PTPRC: variants seen among roughly 807,000 people sequenced by gnomAD.
PTPRC encodes receptor-type tyrosine-protein phosphatase C.
PTPRC carries 44 observed loss-of-function variants against 155.9 expected under a neutral mutation model. The ratio of observed to expected loss-of-function variants is 0.28; its 90% CI spans 0.22 to 0.36. The LOEUF is 0.36. Among genes scored for constraint, PTPRC ranks in the 10% least tolerant of loss-of-function variants. The probability of loss-of-function intolerance (pLI) is 1.00; values close to 1 mark genes in which losing one functional copy is unlikely to be tolerated. For synonymous variants in PTPRC, 525 were observed against 533.1 expected (o/e 0.98, Z 0.21); for missense variants, 1,401 against 1,564.6 (o/e 0.90, Z 1.76).
chr1:198,702,250 G>A (rs1666495227), intron 5 of PTPRC, 137 bp from the exon 6 acceptor site: 1 of 1,088,930 alleles, frequency 9.2e-7, no homozygotes, highest in South Asian at 1.3e-5. Context: ...TAGAATGCAT[G>A]TGTCGTGGTA....
intron 26 of PTPRC, among the ~76,000 whole-genome samples, chr1:198,747,797 C>A (rs770350273): frequency 1.1e-4 from 16 of 151,840 alleles, no homozygotes; most frequent in Non-Finnish European, 1.9e-4. Flanking sequence ...CAATATAGAT[C>A]AACATCGGTC....
At chr1:198,683,312 T>A (rs1221179562) in intron 2 of PTPRC, among the ~76,000 whole-genome samples, 1 of 152,158 alleles carries the variant, frequency 6.6e-6, no homozygotes, top group East Asian at 1.9e-4. Context: ...TATGCAAACA[T>A]CTTTTGATGA....
intron 2 of PTPRC, among the ~76,000 whole-genome samples, chr1:198,641,422 G>T (rs368576888): frequency 2.6e-5 from 4 of 152,074 alleles, no homozygotes; most frequent in African/African-American, 9.6e-5. Flanking sequence ...TATATTGTAT[G>T]CTGTAAAGGC....
intron 3 of PTPRC, chr1:198,692,807 T>C (rs1321431125): frequency 1.1e-6 from 1 of 911,530 alleles, no homozygotes; most frequent in African/African-American, 1.8e-5. Context: ...GTTGCTTTTT[T>C]CAATGGTATG....
At chr1:198,640,234 T>A (rs528935481) in intron 2 of PTPRC, among the ~76,000 whole-genome samples, 7 of 152,156 alleles carry the variant, frequency 4.6e-5, no homozygotes, top group Middle Eastern at 6.8e-3. Flanking sequence ...TAATTAATAT[T>A]TAATATTTCT....
intron 2 of PTPRC, among the ~76,000 whole-genome samples, chr1:198,658,818 C>G (rs1663756241): frequency 6.6e-6 from 1 of 151,566 alleles, no homozygotes; most frequent in Admixed American, 6.6e-5. Flanking sequence ...CTGGTTGCTC[C>G]TCATGATAAT....
chr1:198,689,910 T>C (rs904519962), intron 2 of PTPRC, among the ~76,000 whole-genome samples: 74 of 152,266 alleles, frequency 4.9e-4, no homozygotes, highest in East Asian at 9.6e-4. Flanking sequence ...ATGTGTTTTA[T>C]GGGTTATAAG....
At chr1:198,718,013 A>G in intron 13 of PTPRC, 81 bp from the exon 14 acceptor site, 2 of 1,158,648 alleles carry the variant, frequency 1.7e-6, no homozygotes, top group Non-Finnish European at 2.5e-6. Flanking sequence ...AAAATACTTT[A>G]TACTATATCC....
chr1:198,656,653 G>T (rs6692606), intron 2 of PTPRC, among the ~76,000 whole-genome samples: 10,640 of 140,918 alleles, frequency 0.076, 614 homozygotes, highest in African/African-American at 0.15. Context: ...TTTGTTTTTT[G>T]TTTTTTTTTT....
chr1:198,695,037 G>T, intron 3 of PTPRC: 1 of 946,116 alleles, frequency 1.1e-6, no homozygotes, highest in Non-Finnish European at 1.3e-6. Flanking sequence ...TGATCATTTT[G>T]CATTTCTGTA....
chr1:198,691,002 C>A (rs1665893971), intron 2 of PTPRC, among the ~76,000 whole-genome samples: 1 of 152,056 alleles, frequency 6.6e-6, no homozygotes, highest in African/African-American at 2.4e-5. Context: ...TGACTTCAAC[C>A]ATTTCCTTCT....
At chr1:198,749,225 T>C (rs962681103) in intron 27 of PTPRC, among the ~76,000 whole-genome samples, 191 bp from the exon 28 acceptor site, 1 of 151,780 alleles carries the variant, frequency 6.6e-6, no homozygotes, top group Non-Finnish European at 1.5e-5. Flanking sequence ...GGAATCCTTT[T>C]TCTTAGACTT....
intron 11 of PTPRC, among the ~76,000 whole-genome samples, chr1:198,712,089 T>A (rs1283505169): frequency 6.6e-6 from 1 of 152,186 alleles, no homozygotes. Context: ...ACAGCCCAAA[T>A]GTGTATTCAC....
intron 2 of PTPRC, among the ~76,000 whole-genome samples, chr1:198,678,062 G>A (rs983639353): frequency 1.3e-5 from 2 of 152,092 alleles, no homozygotes; most frequent in African/African-American, 4.8e-5. Context: ...ACCATCTTAT[G>A]AAATGAGAAA....
chr1:198,692,451 T>C (rs978280456), intron 3 of PTPRC, 78 bp downstream of exon 3: 18 of 1,181,848 alleles, frequency 1.5e-5, no homozygotes, highest in Non-Finnish European at 1.8e-5. Flanking sequence ...AATTTTCTAT[T>C]ATTAACACTG....
intron 10 of PTPRC, among the ~76,000 whole-genome samples, chr1:198,709,047 T>C (rs1022030794): frequency 1.3e-5 from 2 of 152,226 alleles, no homozygotes; most frequent in East Asian, 3.8e-4. Flanking sequence ...AGAGCAATCA[T>C]GACAGACCAA....
At chr1:198,669,717 A>G (rs1478406755) in intron 2 of PTPRC, among the ~76,000 whole-genome samples, 3 of 152,128 alleles carry the variant, frequency 2.0e-5, no homozygotes. Flanking sequence ...AATGAAGAAC[A>G]TATTTTTTGT....
chr1:198,693,169 A>G lies in PTPRC; in HGVS notation c.100+796A>G, dbSNP rs1011099355. ...CAGATCATGAAATTGGGTTATTAAA[A>G]TGAATATTTTTGTCATTAAATAAAA... On this transcript the variant is annotated intron_variant, in intron 3 of 32. Transcript: ENST00000442510. 38 of 921,700 alleles carry G rather than the reference A, an allele frequency of 4.1e-5. No homozygotes were observed. The South Asian group carries it at 1.4e-3, about 34-fold the overall frequency. The allele number at this position is 921,700 out of a possible 1,614,324, so 57.1% of individuals were successfully genotyped here.
chr1:198,642,629 C>T (rs1662659358), intron 2 of PTPRC, among the ~76,000 whole-genome samples: 1 of 151,936 alleles, frequency 6.6e-6, no homozygotes, highest in Non-Finnish European at 1.5e-5. Flanking sequence ...CTAATAACTT[C>T]TTGCTTTGAC....
Sources: gnomAD v4.1 joint callset for allele counts (sites outside exome capture counted in the v4.1 genomes callset) on GRCh38, gnomAD v4.1.1 for gene constraint, MANE v1.5 for transcripts, NCBI Gene and HGNC (gene_info 2026-07-23, HGNC 2026-07-21) for gene names.